The following SPAG16 variants were observed in gnomAD, a reference collection of about 807,000 sequenced individuals.
SPAG16 encodes the protein sperm associated antigen 16.
A neutral mutation model predicts 80.4 loss-of-function variants in SPAG16; 86 were observed. The observed-to-expected ratio is 1.07, with a 90% CI of 0.90 to 1.28. The LOEUF is 1.28. Among genes scored for constraint, SPAG16 ranks in the 50% most tolerant of loss-of-function variants. SPAG16 has a pLI of 0.00. For missense variants in SPAG16, 870 were observed against 765.3 expected, an observed-to-expected ratio of 1.14 and a Z score of -1.61; for synonymous variants, 294 against 265.9, an observed-to-expected ratio of 1.11 and a Z score of -1.03.
chr2:213,495,621 G>A (rs1442937841), intron 10 of SPAG16, among the ~76,000 whole-genome samples: 1 of 152,190 alleles, frequency 6.6e-6, no homozygotes, highest in Non-Finnish European at 1.5e-5. Flanking sequence ...AACACATGCT[G>A]TATTTGATGG....
At chr2:213,737,773 C>T (rs962158512) in intron 10 of SPAG16, among the ~76,000 whole-genome samples, 3 of 152,160 alleles carry the variant, frequency 2.0e-5, no homozygotes, top group African/African-American at 7.2e-5. Flanking sequence ...CAGGCGTGAG[C>T]CACCGCGCCT....
chr2:213,341,497 T>A (rs898793865), intron 6 of SPAG16, among the ~76,000 whole-genome samples: 1 of 152,120 alleles, frequency 6.6e-6, no homozygotes, highest in African/African-American at 2.4e-5. Context: ...TTTCAACTAG[T>A]TTGATAATAA....
At position 214,380,696 on chromosome 2, in the gene SPAG16, A is replaced by C. The variant is rs548432909; in HGVS notation, c.1721-29444A>C. ...CTCAGAAGCATTCAGGATTCACAAA[A>C]CGTTTTTTCACGGCAGTTGTGAATT... On this transcript the variant is annotated intron_variant, in intron 15 of 15. Coordinates refer to ENST00000331683, the MANE Select transcript of SPAG16 (RefSeq NM_024532.5). 3.3e-5 allele frequency among the ~76,000 whole-genome samples: 5 copies of C among 152,346 alleles called. No individual in the cohort carries two copies. The East Asian group carries it at 9.7e-4, about 29-fold the overall frequency.
intron 15 of SPAG16, among the ~76,000 whole-genome samples, chr2:214,309,964 CT>C (rs1695171068): frequency 6.6e-6 from 1 of 152,130 alleles, no homozygotes; most frequent in African/African-American, 2.4e-5. Context: ...TGGTTTTCAA[CT>C]TTCTCTTGGA....
chr2:214,034,819 G>A (rs1209040422), intron 13 of SPAG16, among the ~76,000 whole-genome samples: 1 of 152,224 alleles, frequency 6.6e-6, no homozygotes, highest in East Asian at 1.9e-4. Flanking sequence ...AAGGGCTGCA[G>A]ATCTTCTCTC....
At chr2:213,872,174 A>G (rs978881814) in intron 11 of SPAG16, among the ~76,000 whole-genome samples, 2 of 152,148 alleles carry the variant, frequency 1.3e-5, no homozygotes, top group Admixed American at 6.6e-5. Context: ...TTAAGTGTGG[A>G]AGATGAAGGC....
At chr2:213,328,291 G>T (rs1049730111) in intron 5 of SPAG16, among the ~76,000 whole-genome samples, 2 of 152,140 alleles carry the variant, frequency 1.3e-5, no homozygotes, top group African/African-American at 4.8e-5. Context: ...AAAATACAGG[G>T]TTAAAATGAA....
chr2:214,158,804 A>G (rs1188432450), intron 15 of SPAG16, among the ~76,000 whole-genome samples: 1 of 151,984 alleles, frequency 6.6e-6, no homozygotes, highest in Admixed American at 6.6e-5. Context: ...ATATTTTCCT[A>G]CTTAAATACC....
intron 15 of SPAG16, among the ~76,000 whole-genome samples, chr2:214,236,319 T>A (rs1184336396): frequency 6.6e-6 from 1 of 152,162 alleles, no homozygotes; most frequent in Non-Finnish European, 1.5e-5. Context: ...TATAAAGAAT[T>A]ACTATTACAA....
chr2:214,265,968 T>C (rs1481839335), intron 15 of SPAG16, among the ~76,000 whole-genome samples: 1 of 152,006 alleles, frequency 6.6e-6, no homozygotes, highest in East Asian at 1.9e-4. Flanking sequence ...ATTTTCATTC[T>C]TACTTTTTAT....
At chr2:214,095,313 C>T (rs78891625) in intron 13 of SPAG16, among the ~76,000 whole-genome samples, 1 of 151,998 alleles carries the variant, frequency 6.6e-6, no homozygotes, top group Admixed American at 6.6e-5. Context: ...AGAAACCCCC[C>T]CAGAAACCTT....
At position 214,259,473 on chromosome 2, in the gene SPAG16, C is replaced by CT. The variant is rs5838423; in HGVS notation, c.1720+110228dup. ...TAAATGCGTACACACACACGTATAG[C>CT]TTTTTTTTTTTTTTTTTTTTTACTT... is the stretch of plus-strand genomic sequence containing the variant. On this transcript the variant is annotated intron_variant, in intron 15 of 15. Coordinates refer to ENST00000331683, the MANE Select transcript of SPAG16 (RefSeq NM_024532.5). 7.5e-4 allele frequency among the ~76,000 whole-genome samples: 68 copies of CT among 91,230 alleles called. 2 individuals are homozygous for CT. In the East Asian group the frequency reaches 0.014, roughly 19 times the overall value. 59.9% of individuals were successfully genotyped at this position (91,230 alleles called of 152,430 possible). A position where few individuals can be genotyped will look rare whatever the true frequency, so the allele number is the denominator to read the frequency against.
At chr2:213,541,762 T>C (rs2076455026) in intron 10 of SPAG16, among the ~76,000 whole-genome samples, 1 of 152,196 alleles carries the variant, frequency 6.6e-6, no homozygotes, top group Admixed American at 6.5e-5. Context: ...GCAATAGTGG[T>C]TTGTTTCTCT....
chr2:214,306,899 T>G lies in SPAG16; in HGVS notation c.1721-103241T>G, dbSNP rs918310675. 2.0e-5 allele frequency among the ~76,000 whole-genome samples: 3 copies of G among 152,202 alleles called. No homozygotes were observed. The South Asian group carries it at 6.2e-4, about 32-fold the overall frequency. On this transcript the variant is annotated intron_variant, in intron 15 of 15. Transcript: ENST00000331683. ...TGGGATCAGGATGATGGTGGCCTCA[T>G]AGAATGAATTAGGGGGGAGTCCCTC...
chr2:214,355,953 C>G (rs1450328217), intron 15 of SPAG16, among the ~76,000 whole-genome samples: 1 of 138,812 alleles, frequency 7.2e-6, no homozygotes, highest in Non-Finnish European at 1.5e-5. Context: ...TGTTCTCACT[C>G]ATAGGTGGGA....
Position 214,341,941 on chromosome 2 carries a change from A to T in SPAG16, c.1721-68199A>T, listed in dbSNP as rs1398819542. ...GCTCTGGCAGGGAGGTCTCCAAGGC[A>T]AAAAGCACCGTTAACAGAAGACTAC... On this transcript the variant is annotated intron_variant, in intron 15 of 15. Transcript: ENST00000331683. 2.6e-5 allele frequency among the ~76,000 whole-genome samples: 4 copies of T among 152,294 alleles called. No homozygotes were observed. The East Asian group carries it at 7.7e-4, about 29-fold the overall frequency.
intron 10 of SPAG16, among the ~76,000 whole-genome samples, chr2:213,822,374 G>A (rs1158875026): frequency 1.3e-5 from 2 of 151,962 alleles, no homozygotes; most frequent in African/African-American, 4.8e-5. Flanking sequence ...TTTTTTGAGT[G>A]GATTATTAGA....
At chr2:213,944,719 C>T (rs1009560009) in intron 12 of SPAG16, among the ~76,000 whole-genome samples, 3 of 151,916 alleles carry the variant, frequency 2.0e-5, no homozygotes, top group South Asian at 2.1e-4. Flanking sequence ...TGTGTCCCTC[C>T]GAAGTTCATA....
At chr2:213,775,419 A>G (rs867244480) in intron 10 of SPAG16, among the ~76,000 whole-genome samples, 1 of 152,130 alleles carries the variant, frequency 6.6e-6, no homozygotes, top group Admixed American at 6.5e-5. Flanking sequence ...CACAGCTATC[A>G]CCTCCAAAAG....
Sources: gnomAD v4.1 joint callset for allele counts (sites outside exome capture counted in the v4.1 genomes callset) on GRCh38, gnomAD v4.1.1 for gene constraint, MANE v1.5 for transcripts, NCBI Gene and HGNC (gene_info 2026-07-23, HGNC 2026-07-21) for gene names.